The following FAM81B variants were observed in gnomAD, a reference collection of about 807,000 sequenced individuals.
FAM81B encodes the protein family with sequence similarity 81 member B.
In FAM81B, 60 loss-of-function variants were observed where a neutral mutation model predicts 58.7. The ratio of observed to expected loss-of-function variants is 1.02; its 90% confidence interval spans 0.83 to 1.27. The LOEUF (loss-of-function observed/expected upper bound fraction) is 1.27. Ranked by LOEUF, FAM81B falls within the 50% of genes most tolerant of loss-of-function variation. The probability of loss-of-function intolerance (pLI) is 0.00; values close to 1 mark genes in which losing one functional copy is unlikely to be tolerated. For synonymous variants in FAM81B, 189 were observed against 179.6 expected (o/e 1.05, Z -0.42); for missense variants, 491 against 522.0 (o/e 0.94, Z 0.58).
chr5:95,445,324 T>C (rs1028836364), intron 7 of FAM81B, among the ~76,000 whole-genome samples: 1 of 152,196 alleles, frequency 6.6e-6, no homozygotes. Context: ...CTAACAGTTT[T>C]ACCTATTCTA....
intron 5 of FAM81B, among the ~76,000 whole-genome samples, chr5:95,421,343 T>C (rs1464372154): frequency 6.6e-6 from 1 of 152,198 alleles, no homozygotes. Context: ...TTGAAGGATT[T>C]ATAACAGTTA....
At chr5:95,393,826 G>A (rs1761894120) in intron 2 of FAM81B, among the ~76,000 whole-genome samples, 2 of 151,980 alleles carry the variant, frequency 1.3e-5, no homozygotes, top group South Asian at 2.1e-4. Context: ...AAACCAAAAA[G>A]CTATAACATT....
At chr5:95,392,515 A>G (rs1432260302) in intron 1 of FAM81B, among the ~76,000 whole-genome samples, 1 of 152,176 alleles carries the variant, frequency 6.6e-6, no homozygotes, top group East Asian at 1.9e-4. Context: ...AAAAAAATAC[A>G]TTCCTGATTA....
chr5:95,428,792 G>A, intron 6 of FAM81B, 60 bp downstream of exon 6: 1 of 1,601,972 alleles, frequency 6.2e-7, no homozygotes, highest in Non-Finnish European at 8.5e-7. Flanking sequence ...GATCATTATA[G>A]CTTATCAAAA....
chr5:95,400,697 A>G (rs1762089338), intron 3 of FAM81B, among the ~76,000 whole-genome samples: 1 of 152,146 alleles, frequency 6.6e-6, no homozygotes, highest in Non-Finnish European at 1.5e-5. Flanking sequence ...TACAAGACAT[A>G]TTTACAAGAC....
intron 3 of FAM81B, among the ~76,000 whole-genome samples, chr5:95,411,773 T>C (rs903260994): frequency 2.8e-4 from 43 of 152,346 alleles, no homozygotes; most frequent in African/African-American, 9.9e-4. Context: ...TCTTCATTTA[T>C]TGGGGAAGTT....
At chr5:95,424,922 G>A (rs751195797) in intron 5 of FAM81B, among the ~76,000 whole-genome samples, 3 of 151,982 alleles carry the variant, frequency 2.0e-5, no homozygotes, top group Non-Finnish European at 4.4e-5. Flanking sequence ...GGAATTGCTC[G>A]GGATAGATGA....
chr5:95,442,586 C>T (rs1052375712), intron 7 of FAM81B, among the ~76,000 whole-genome samples: 4 of 152,112 alleles, frequency 2.6e-5, no homozygotes, highest in Non-Finnish European at 5.9e-5. Context: ...AATTCTACCA[C>T]AGAAATTTTT....
chr5:95,446,779 C>A, intron 8 of FAM81B, 82 bp downstream of exon 8: 3 of 1,508,706 alleles, frequency 2.0e-6, no homozygotes, highest in Middle Eastern at 1.8e-4. Flanking sequence ...ATTTGTACTT[C>A]AACATTTATG....
At chr5:95,397,650 A>G (rs555230358) in intron 3 of FAM81B, among the ~76,000 whole-genome samples, 28 of 152,386 alleles carry the variant, frequency 1.8e-4, no homozygotes, top group African/African-American at 5.5e-4. Context: ...GATAAATTAA[A>G]ATGAAGACAA....
chr5:95,408,635 C>T (rs1246244205), intron 3 of FAM81B, among the ~76,000 whole-genome samples: 1 of 152,176 alleles, frequency 6.6e-6, no homozygotes. Flanking sequence ...CTGTTGTTAG[C>T]TGGGTAAACT....
At chr5:95,410,285 G>GC (rs1388815504) in intron 3 of FAM81B, among the ~76,000 whole-genome samples, 1 of 152,206 alleles carries the variant, frequency 6.6e-6, no homozygotes, top group Non-Finnish European at 1.5e-5. Context: ...GCCGGAAGGA[G>GC]CTGGGCACCT....
At chr5:95,414,268 T>C (rs775131792) in intron 4 of FAM81B, 78 bp downstream of exon 4, 1 of 1,447,314 alleles carries the variant, frequency 6.9e-7, no homozygotes, top group Non-Finnish European at 9.4e-7. Flanking sequence ...CAACCATCAG[T>C]GTCATTTTTC....
At chr5:95,422,200 T>A (rs1349954207) in intron 5 of FAM81B, among the ~76,000 whole-genome samples, 1 of 151,844 alleles carries the variant, frequency 6.6e-6, no homozygotes, top group Non-Finnish European at 1.5e-5. Context: ...AAATAAAAGA[T>A]GCCGTCTTGG....
rs370732628 is a variant in FAM81B, at chr5:95,436,990, C to A, written c.893+84C>A. On this transcript the variant is annotated intron_variant, in intron 7 of 9. Transcript: ENST00000283357. ...GAAAGCATTGGCATGAAATAAAAACCTATCCCAGGAATTTGAACCTGGCCA... is the reference window on the plus strand; with the variant it reads ...GAAAGCATTGGCATGAAATAAAAACATATCCCAGGAATTTGAACCTGGCCA... The A allele has an allele frequency of 1.2e-5, 13 of 1,059,030 alleles. No individual in the cohort carries two copies. In the East Asian group the frequency reaches 2.8e-4, roughly 22 times the overall value. 65.6% of individuals were successfully genotyped at this position (1,059,030 alleles called of 1,614,324 possible). A position where few individuals can be genotyped will look rare whatever the true frequency, so the allele number is the denominator to read the frequency against.
chr5:95,417,164 G>GATAC (rs1762559373), intron 4 of FAM81B, among the ~76,000 whole-genome samples: 1 of 152,168 alleles, frequency 6.6e-6, no homozygotes, highest in Admixed American at 6.5e-5. Context: ...GAAAGCTCTT[G>GATAC]ATACATGTTG....
At chr5:95,427,087 A>G (rs1223635511) in intron 5 of FAM81B, among the ~76,000 whole-genome samples, 1 of 152,098 alleles carries the variant, frequency 6.6e-6, no homozygotes, top group Non-Finnish European at 1.5e-5. Flanking sequence ...TCATAAACCT[A>G]GGAAGTAGCA....
intron 7 of FAM81B, among the ~76,000 whole-genome samples, chr5:95,441,796 G>T (rs546902462): frequency 6.6e-6 from 1 of 152,100 alleles, no homozygotes; most frequent in Non-Finnish European, 1.5e-5. Flanking sequence ...CCTCCACTGT[G>T]CCTCCTCCTC....
Position 95,425,941 on chromosome 5 carries a change from G to A in FAM81B, c.657-2662G>A, listed in dbSNP as rs142715260. ...TTTTTTTAGAAATCTCTCTCATAGTGAAGAAATACATATCTGAAACTCAAC... is the reference window on the plus strand; with the variant it reads ...TTTTTTTAGAAATCTCTCTCATAGTAAAGAAATACATATCTGAAACTCAAC... On this transcript the variant is annotated intron_variant, in intron 5 of 9. Coordinates refer to ENST00000283357, the MANE Select transcript of FAM81B (RefSeq NM_152548.3). Among the ~76,000 whole-genome samples the A allele has an allele frequency of 7.6e-3, 1,148 of 151,238 alleles. 7 individuals carry two copies. Among genetic ancestry groups the A allele is most frequent in the Non-Finnish European group, 0.011 (741 of 67,758 alleles).
Sources: allele counts gnomAD v4.1 joint callset (sites outside exome capture counted in the v4.1 genomes callset), GRCh38; gene constraint gnomAD v4.1.1; transcripts MANE v1.5; gene names NCBI Gene and HGNC (gene_info 2026-07-23, HGNC 2026-07-21).